Variants in STPG2 observed in about 807,000 individuals in gnomAD.
STPG2 encodes sperm tail PG-rich repeat containing 2, also known as sperm-tail PG-rich repeat-containing protein 2.
A neutral mutation model predicts 54.2 loss-of-function variants in STPG2; 56 were observed. That is an observed-to-expected ratio of 1.03 (90% CI 0.83 to 1.29). The LOEUF is 1.29. STPG2 is among the 50% of genes most tolerant of loss of function. The pLI is 0.00. For missense variants in STPG2, 596 were observed against 544.9 expected, an observed-to-expected ratio of 1.09 and a Z score of -0.93; for synonymous variants, 200 against 181.8, an observed-to-expected ratio of 1.10 and a Z score of -0.81.
At chr4:97,449,815 A>G (rs1729318982) in intron 4 of STPG2, among the ~76,000 whole-genome samples, 1 of 152,184 alleles carries the variant, frequency 6.6e-6, no homozygotes, top group Non-Finnish European at 1.5e-5. Flanking sequence ...AGCTTCATGT[A>G]TTTCCATGAT....
At position 97,980,800 on chromosome 4, in the gene STPG2, A is replaced by G. The variant is rs576637191; in HGVS notation, c.772+359T>C. 3.3e-5 allele frequency among the ~76,000 whole-genome samples: 5 copies of G among 152,330 alleles called. No individual in the cohort carries two copies. The South Asian group carries it at 1.0e-3, about 32-fold the overall frequency. On this transcript the variant is annotated intron_variant, in intron 6 of 10. Coordinates refer to ENST00000295268, the MANE Select transcript of STPG2 (RefSeq NM_174952.3). Reference sequence around the variant, plus strand: ...GAATACATGATTGAAAACCTCTGAAATAAAAAAGTTTAACAAAACTGAACA... The same window carrying G: ...GAATACATGATTGAAAACCTCTGAAGTAAAAAAGTTTAACAAAACTGAACA...
intron 9 of STPG2, among the ~76,000 whole-genome samples, chr4:97,787,039 G>GT (rs1726849103): frequency 6.6e-6 from 1 of 152,090 alleles, no homozygotes; most frequent in Non-Finnish European, 1.5e-5. Context: ...GGAGACTACT[G>GT]TATTCCGATG....
At chr4:97,734,848 G>C (rs557818414) in intron 9 of STPG2, among the ~76,000 whole-genome samples, 1 of 152,124 alleles carries the variant, frequency 6.6e-6, no homozygotes, top group South Asian at 2.1e-4. Context: ...CGAGGCAGGT[G>C]GATCACAAGG....
intron 9 of STPG2, among the ~76,000 whole-genome samples, chr4:97,725,509 T>C (rs1273660783): frequency 6.6e-6 from 1 of 151,936 alleles, no homozygotes; most frequent in African/African-American, 2.4e-5. Flanking sequence ...ATATTGCATC[T>C]ATAAAACAAA....
chr4:97,706,721 G>A (rs1355104990), intron 10 of STPG2, among the ~76,000 whole-genome samples: 1 of 152,054 alleles, frequency 6.6e-6, no homozygotes, highest in Admixed American at 6.6e-5. Flanking sequence ...AAGGAGATTC[G>A]ACACAGGATC....
At chr4:97,627,910 A>C (rs1734176409) in intron 10 of STPG2, among the ~76,000 whole-genome samples, 1 of 152,120 alleles carries the variant, frequency 6.6e-6, no homozygotes, top group African/African-American at 2.4e-5. Context: ...CTGATGTCTG[A>C]GCTCAAGCAT....
intron 9 of STPG2, among the ~76,000 whole-genome samples, chr4:97,768,166 CA>C (rs35923469): frequency 6.9e-4 from 88 of 126,976 alleles, no homozygotes; most frequent in Non-Finnish European, 8.3e-4. Flanking sequence ...GACTCCGTCT[CA>C]AAAAAAAAAA....
chr4:97,574,755 T>C (rs976781467), intron 10 of STPG2, among the ~76,000 whole-genome samples: 1 of 152,110 alleles, frequency 6.6e-6, no homozygotes, highest in African/African-American at 2.4e-5. Flanking sequence ...TTCTGTGGAT[T>C]TTTAACTTTC....
intron 7 of STPG2, among the ~76,000 whole-genome samples, chr4:97,958,309 C>CAA (rs35930652): frequency 6.7e-5 from 10 of 148,610 alleles, no homozygotes; most frequent in South Asian, 4.3e-4. Context: ...GGATGTGTCT[C>CAA]AAAAAAAAAG....
chr4:97,690,808 C>CAA (rs1490296636), intron 10 of STPG2, among the ~76,000 whole-genome samples: 4 of 152,128 alleles, frequency 2.6e-5, no homozygotes, highest in Non-Finnish European at 5.9e-5. Flanking sequence ...AGGCAAATAG[C>CAA]AAAACTTGGG....
At chr4:97,983,152 C>A (rs981482311) in intron 5 of STPG2, among the ~76,000 whole-genome samples, 1 of 152,150 alleles carries the variant, frequency 6.6e-6, no homozygotes, top group Admixed American at 6.5e-5. Context: ...TCTTCCTCCT[C>A]CTAGTCTATT....
intron 4 of STPG2, among the ~76,000 whole-genome samples, chr4:98,107,684 C>G (rs1337360699): frequency 6.6e-6 from 1 of 151,908 alleles, no homozygotes; most frequent in African/African-American, 2.4e-5. Flanking sequence ...GGAATGAAAA[C>G]AATCATCACA....
At chr4:97,721,357 C>T (rs543157840) in intron 9 of STPG2, among the ~76,000 whole-genome samples, 8 of 152,184 alleles carry the variant, frequency 5.3e-5, no homozygotes, top group African/African-American at 1.9e-4. Flanking sequence ...CAAGTAATTA[C>T]TCAGATATAT....
At chr4:97,849,644 T>C (rs1255301445) in intron 8 of STPG2, among the ~76,000 whole-genome samples, 1 of 152,128 alleles carries the variant, frequency 6.6e-6, no homozygotes, top group Non-Finnish European at 1.5e-5. Flanking sequence ...GGTAGACATT[T>C]ATGCAGCCAA....
intron 8 of STPG2, among the ~76,000 whole-genome samples, chr4:97,934,821 T>A (rs1490020223): frequency 6.6e-6 from 1 of 152,136 alleles, no homozygotes; most frequent in East Asian, 1.9e-4. Context: ...AGTTTTTTTG[T>A]TTTGTTTTGT....
chr4:98,080,496 A>G (rs1738309870), intron 5 of STPG2, among the ~76,000 whole-genome samples: 2 of 152,182 alleles, frequency 1.3e-5, no homozygotes, highest in Admixed American at 6.5e-5. Flanking sequence ...GTAGGTACCC[A>G]TGACTAAACT....
intron 9 of STPG2, among the ~76,000 whole-genome samples, chr4:97,760,613 A>C (rs1725862919): frequency 6.6e-6 from 1 of 152,154 alleles, no homozygotes; most frequent in Non-Finnish European, 1.5e-5. Context: ...GAGAATCAGA[A>C]AGGAAATATA....
At chr4:97,981,967 C>T (rs111832789) in intron 5 of STPG2, among the ~76,000 whole-genome samples, 1,763 of 151,224 alleles carry the variant, frequency 0.012, 38 homozygotes, top group African/African-American at 0.04. Flanking sequence ...TCACTGCAAG[C>T]TCCACCTCCC....
chr4:97,536,402 G>A (rs1448197533), intron 4 of STPG2, among the ~76,000 whole-genome samples: 1 of 152,154 alleles, frequency 6.6e-6, no homozygotes, highest in East Asian at 1.9e-4. Context: ...TGGATTAAAA[G>A]TGACAAATTC....
Sources: gnomAD v4.1 joint callset for allele counts (sites outside exome capture counted in the v4.1 genomes callset) on GRCh38, gnomAD v4.1.1 for gene constraint, MANE v1.5 for transcripts, NCBI Gene and HGNC (gene_info 2026-07-23, HGNC 2026-07-21) for gene names.